The following USP37 variants were observed in gnomAD, a reference collection of about 807,000 sequenced individuals.
USP37 encodes ubiquitin specific peptidase 37, also known as ubiquitin carboxyl-terminal hydrolase 37.
USP37 carries 27 observed loss-of-function variants against 124.0 expected under a neutral mutation model. That is an observed-to-expected ratio of 0.22 (90% confidence interval 0.16 to 0.30). USP37 has a LOEUF of 0.30. Among genes scored for constraint, USP37 ranks in the 10% least tolerant of loss-of-function variants. The pLI is 1.00. For synonymous variants in USP37, 365 were observed against 388.0 expected (o/e 0.94, Z 0.70); for missense variants, 889 against 1,140.4 (o/e 0.78, Z 3.17).
At chr2:218,497,231 C>T (rs1022084696) in intron 13 of USP37, among the ~76,000 whole-genome samples, 41 of 150,938 alleles carry the variant, frequency 2.7e-4, no homozygotes, top group African/African-American at 9.5e-4. Context: ...CCACCATGCC[C>T]GGCTAATTTT....
At chr2:218,545,049 G>T (rs1692243932) in intron 8 of USP37, among the ~76,000 whole-genome samples, 1 of 152,172 alleles carries the variant, frequency 6.6e-6, no homozygotes, top group Admixed American at 6.5e-5. Context: ...GAGATTTGGA[G>T]TTCTTCTCCA....
intron 10 of USP37, among the ~76,000 whole-genome samples, chr2:218,523,944 GTGATT>G (rs1690806013): frequency 6.6e-6 from 1 of 152,112 alleles, no homozygotes; most frequent in Non-Finnish European, 1.5e-5. Context: ...TAATTGTAAT[GTGATT>G]TAAGTTTTTG....
intron 10 of USP37, among the ~76,000 whole-genome samples, chr2:218,519,127 T>C (rs1690452930): frequency 1.3e-5 from 2 of 152,350 alleles, no homozygotes; most frequent in Admixed American, 1.3e-4. Context: ...AACTGCCTCC[T>C]GGCAGCAATT....
At position 218,474,673 on chromosome 2, in the gene USP37, T is replaced by C. The variant is rs1183925799; in HGVS notation, c.2256A>G (p.Pro752=). The change falls in exon 20 of 26, where the codon CCA becomes CCG. Residue 752 remains proline (P), a synonymous_variant. Transcript: ENST00000258399. ...TGGGCTTCTCAGTTTCCATAGTGTC[T>C]GGATTTTCTGGCATTTCTTGAATAT... is the stretch of plus-strand genomic sequence containing the variant. ...EDDIQEMPEN[P]DTMETEKPKT... is the part of the protein sequence containing the mutation. 1.9e-6 allele frequency: 3 copies of C among 1,614,224 alleles called. No individual in the cohort carries two copies. Among genetic ancestry groups the C allele is most frequent in the Admixed American group, 3.3e-5 (2 of 60,020 alleles).
At chr2:218,543,548 C>G (rs1692116122) in intron 8 of USP37, among the ~76,000 whole-genome samples, 1 of 140,132 alleles carries the variant, frequency 7.1e-6, no homozygotes. Context: ...CGTGGTGGCT[C>G]ATGCCTGTAA....
At chr2:218,535,228 G>A (rs1018643987) in intron 8 of USP37, among the ~76,000 whole-genome samples, 2 of 151,792 alleles carry the variant, frequency 1.3e-5, no homozygotes, top group African/African-American at 4.8e-5. Context: ...GCCAAGCATG[G>A]TGGCGCGTTC....
At chr2:218,509,789 T>A (rs1689876787) in intron 11 of USP37, among the ~76,000 whole-genome samples, 190 bp downstream of exon 11, 1 of 152,114 alleles carries the variant, frequency 6.6e-6, no homozygotes, top group Admixed American at 6.6e-5. Context: ...TATTCCAAAG[T>A]TCTAAAATTG....
Position 218,454,777 on chromosome 2 carries a change from A to G in USP37, c.*153T>C. The G allele has an allele frequency of 7.0e-7, 1 of 1,435,656 alleles. No individual in the cohort carries two copies. Among genetic ancestry groups the G allele is most frequent in the South Asian group, 1.5e-5 (1 of 67,400 alleles). The allele number at this position is 1,435,656 out of a possible 1,614,324, so 88.9% of individuals were successfully genotyped here. ...TCCATAAAATAGCATGGAGCATTCTACGTTACTCCAATTTTTGTCTTTTGG... is the reference window on the plus strand; with the variant it reads ...TCCATAAAATAGCATGGAGCATTCTGCGTTACTCCAATTTTTGTCTTTTGG... On this transcript the variant is annotated 3_prime_UTR_variant, in exon 26 of 26. Transcript: ENST00000258399.
chr2:218,459,742 G>A (rs1197365821), intron 23 of USP37, 48 bp downstream of exon 23: 1 of 1,518,550 alleles, frequency 6.6e-7, no homozygotes. Context: ...AGAGTGGGAA[G>A]AGTGACACTG....
chr2:218,479,792 ATTCT>A, intron 17 of USP37, 77 bp from the exon 18 acceptor site: 3 of 885,222 alleles, frequency 3.4e-6, no homozygotes, highest in East Asian at 4.2e-5. Context: ...AAAATGAATT[ATTCT>A]TACTATAATT....
At chr2:218,501,490 T>A (rs1406608467) in intron 11 of USP37, among the ~76,000 whole-genome samples, 1 of 152,124 alleles carries the variant, frequency 6.6e-6, no homozygotes, top group Non-Finnish European at 1.5e-5. Flanking sequence ...CTTCCTACTA[T>A]AAACAATGAG....
At chr2:218,487,577 T>C (rs1017201050) in intron 15 of USP37, among the ~76,000 whole-genome samples, 15 of 152,020 alleles carry the variant, frequency 9.9e-5, no homozygotes, top group Non-Finnish European at 2.1e-4. Context: ...CACGCCACCA[T>C]GCCCAGCTAT....
At chr2:218,509,880 A>T in intron 11 of USP37, 99 bp downstream of exon 11, 1 of 1,144,994 alleles carries the variant, frequency 8.7e-7, no homozygotes, top group Non-Finnish European at 1.2e-6. Flanking sequence ...TAAATATTTT[A>T]GAACTTTAAT....
At chr2:218,567,978 A>C (rs900818698) in intron 1 of USP37, among the ~76,000 whole-genome samples, 200 bp downstream of exon 1, 10 of 152,172 alleles carry the variant, frequency 6.6e-5, no homozygotes, top group Admixed American at 1.3e-4. Context: ...GTGGAGACCA[A>C]GTCAAAGGAG....
intron 4 of USP37, among the ~76,000 whole-genome samples, chr2:218,557,978 G>A: frequency 1.0e-5 from 1 of 99,296 alleles, no homozygotes; most frequent in Non-Finnish European, 2.3e-5. Flanking sequence ...TTTTTGCAGT[G>A]AAAATGAAGA....
At chr2:218,531,065 C>G (rs1048440201) in intron 9 of USP37, among the ~76,000 whole-genome samples, 3 of 152,208 alleles carry the variant, frequency 2.0e-5, no homozygotes, top group Admixed American at 2.0e-4. Flanking sequence ...TGAGATCTAG[C>G]TAAGATCACT....
intron 14 of USP37, among the ~76,000 whole-genome samples, chr2:218,490,374 G>A (rs1298573224): frequency 6.6e-6 from 1 of 152,118 alleles, no homozygotes; most frequent in African/African-American, 2.4e-5. Flanking sequence ...TTCTTTATGT[G>A]CATATGTGGA....
intron 21 of USP37, among the ~76,000 whole-genome samples, chr2:218,464,596 C>T (rs982383472): frequency 1.3e-5 from 2 of 152,126 alleles, no homozygotes; most frequent in African/African-American, 2.4e-5. Context: ...AAGTACTAAA[C>T]CTACCCATTC....
chr2:218,534,352 G>GA (rs1212857048), intron 9 of USP37, among the ~76,000 whole-genome samples: 1 of 152,188 alleles, frequency 6.6e-6, no homozygotes, highest in East Asian at 1.9e-4. Context: ...AGCCAGGCAT[G>GA]ATAGAACACA....
Sources: allele counts gnomAD v4.1 joint callset (sites outside exome capture counted in the v4.1 genomes callset), GRCh38; gene constraint gnomAD v4.1.1; transcripts MANE v1.5; gene names NCBI Gene and HGNC (gene_info 2026-07-23, HGNC 2026-07-21).